The following SYT1 variants were observed in gnomAD, a reference collection of about 807,000 sequenced individuals.
SYT1 encodes synaptotagmin-1.
In SYT1, 8 loss-of-function variants were observed where a neutral mutation model predicts 44.8. That is an observed-to-expected ratio of 0.18 (90% CI 0.10 to 0.32). The LOEUF (loss-of-function observed/expected upper bound fraction) is 0.32, where lower values mean the gene tolerates loss of function less well. Among genes scored for constraint, SYT1 ranks in the 10% least tolerant of loss-of-function variants. The pLI is 1.00. For synonymous variants in SYT1, 154 were observed against 188.8 expected (o/e 0.82, Z 1.51); for missense variants, 286 against 509.3 (o/e 0.56, Z 4.22).
chr12:79,405,035 C>T (rs1211500532), intron 9 of SYT1, among the ~76,000 whole-genome samples: 1 of 152,134 alleles, frequency 6.6e-6, no homozygotes, highest in Non-Finnish European at 1.5e-5. Flanking sequence ...ACCAGCAGGC[C>T]ATTGATTGGG....
intron 1 of SYT1, among the ~76,000 whole-genome samples, chr12:78,951,446 A>T (rs1043010015): frequency 2.6e-5 from 4 of 152,176 alleles, no homozygotes; most frequent in Admixed American, 6.6e-5. Context: ...TATAATGTCG[A>T]CTATAAGGTG....
At chr12:79,280,590 G>T (rs1044744182) in intron 4 of SYT1, among the ~76,000 whole-genome samples, 1 of 151,854 alleles carries the variant, frequency 6.6e-6, no homozygotes, top group Admixed American at 6.6e-5. Context: ...TCTCAACATT[G>T]GTGTAGGTAA....
intron 9 of SYT1, chr12:79,393,593 T>A (rs567162334): frequency 6.2e-4 from 94 of 152,344 alleles, no homozygotes; most frequent in African/African-American, 2.2e-3. Flanking sequence ...GTTGGCTGCA[T>A]AAATGTCTTA....
intron 8 of SYT1, among the ~76,000 whole-genome samples, chr12:79,349,810 A>G (rs1004279957): frequency 1.3e-5 from 2 of 152,218 alleles, no homozygotes; most frequent in Non-Finnish European, 2.9e-5. Context: ...AAATGTTTAT[A>G]AATTACTATG....
chr12:79,236,918 G>A (rs1323483844), intron 4 of SYT1, among the ~76,000 whole-genome samples: 1 of 152,174 alleles, frequency 6.6e-6, no homozygotes, highest in African/African-American at 2.4e-5. Context: ...ATCAGGCTGA[G>A]GTTAGACTTT....
intron 3 of SYT1, among the ~76,000 whole-genome samples, chr12:79,178,968 A>ATATATC (rs1872105948): frequency 8.3e-4 from 23 of 27,810 alleles, no homozygotes; most frequent in African/African-American, 1.3e-3. Flanking sequence ...ATAGATATAG[A>ATATATC]TATATAGATA....
At chr12:78,999,038 T>A (rs1870557036) in intron 2 of SYT1, among the ~76,000 whole-genome samples, 1 of 152,158 alleles carries the variant, frequency 6.6e-6, no homozygotes, top group Non-Finnish European at 1.5e-5. Flanking sequence ...TTCTAGAACA[T>A]CAATACTTTG....
At chr12:79,096,291 T>C (rs951799228) in intron 3 of SYT1, among the ~76,000 whole-genome samples, 2 of 151,984 alleles carry the variant, frequency 1.3e-5, no homozygotes, top group Non-Finnish European at 2.9e-5. Context: ...TGTAAATTTC[T>C]TTTACAAAAG....
At chr12:79,223,795 C>T (rs140849285) in intron 4 of SYT1, among the ~76,000 whole-genome samples, 114 of 152,292 alleles carry the variant, frequency 7.5e-4, no homozygotes, top group African/African-American at 2.7e-3. Flanking sequence ...GCTCAGTCAC[C>T]AGTATAGGTC....
chr12:79,277,932 A>G (rs923862807), intron 4 of SYT1, among the ~76,000 whole-genome samples: 13 of 152,070 alleles, frequency 8.5e-5, no homozygotes, highest in Non-Finnish European at 1.9e-4. Context: ...TCATTATATA[A>G]TGATAAAGAA....
chr12:79,252,152 T>A (rs1362518392), intron 4 of SYT1, among the ~76,000 whole-genome samples: 2 of 152,188 alleles, frequency 1.3e-5, no homozygotes, highest in Non-Finnish European at 2.9e-5. Flanking sequence ...ATCATGACTC[T>A]ATCATTAAGC....
At chr12:79,204,552 C>T (rs888100160) in intron 3 of SYT1, among the ~76,000 whole-genome samples, 2 of 152,180 alleles carry the variant, frequency 1.3e-5, no homozygotes, top group Admixed American at 1.3e-4. Context: ...CTTGCTTCAA[C>T]TAAGCTATAT....
chr12:79,216,056 C>T (rs1005080337), intron 3 of SYT1, among the ~76,000 whole-genome samples: 15 of 149,724 alleles, frequency 1.0e-4, no homozygotes, highest in African/African-American at 1.5e-4. Flanking sequence ...CTCAGCCTCC[C>T]GACTATCTGG....
At chr12:79,361,841 T>C (rs1409330363) in intron 9 of SYT1, among the ~76,000 whole-genome samples, 1 of 152,234 alleles carries the variant, frequency 6.6e-6, no homozygotes, top group Non-Finnish European at 1.5e-5. Flanking sequence ...GAGTGCCTTT[T>C]AGAGATTAAA....
At chr12:79,101,591 G>A (rs986009714) in intron 3 of SYT1, among the ~76,000 whole-genome samples, 6 of 152,158 alleles carry the variant, frequency 3.9e-5, no homozygotes, top group Admixed American at 1.3e-4. Context: ...CACTTAAAAT[G>A]GTTAAAATAG....
At chr12:79,160,905 A>G (rs771206814) in intron 3 of SYT1, among the ~76,000 whole-genome samples, 1 of 152,124 alleles carries the variant, frequency 6.6e-6, no homozygotes. Flanking sequence ...CTTTTGATCA[A>G]TGACAGACTG....
At chr12:78,915,922 A>T (rs1242297758) in intron 1 of SYT1, among the ~76,000 whole-genome samples, 1 of 152,044 alleles carries the variant, frequency 6.6e-6, no homozygotes, top group Non-Finnish European at 1.5e-5. Context: ...TCCCTAATGC[A>T]TAAGGATAGA....
rs1334337414 is a variant in SYT1 at position 79,064,939 on chromosome 12, AG to A, written c.-18+17578del. On this transcript the variant is annotated intron_variant, in intron 3 of 10. Coordinates refer to ENST00000261205, the MANE Select transcript of SYT1 (RefSeq NM_005639.3). ...CAAAAAAATAGAGAGAAAGAAAGAA[AG>A]AAAGAAAGAAAGAAAGAAAGAAAGA... is the stretch of plus-strand genomic sequence containing the variant. Among the ~76,000 whole-genome samples the A allele has an allele frequency of 2.3e-4, 24 of 106,438 alleles. No individual in the cohort carries two copies. In the East Asian group the frequency reaches 5.7e-3, roughly 25 times the overall value. The allele number at this position is 106,438 out of a possible 152,430, so 69.8% of individuals were successfully genotyped here.
intron 3 of SYT1, among the ~76,000 whole-genome samples, chr12:79,184,537 A>ATTT (rs879038025): frequency 0.053 from 8,123 of 152,058 alleles, 431 homozygotes; most frequent in African/African-American, 0.13. Flanking sequence ...AGAGATTATA[A>ATTT]TGAGATGAGA....
Sources: gnomAD v4.1 joint callset for allele counts (sites outside exome capture counted in the v4.1 genomes callset) on GRCh38, gnomAD v4.1.1 for gene constraint, MANE v1.5 for transcripts, NCBI Gene and HGNC (gene_info 2026-07-23, HGNC 2026-07-21) for gene names.